GET3: variants seen among roughly 807,000 people sequenced by gnomAD.
The protein encoded by GET3 is guided entry of tail-anchored proteins factor 3, ATPase, also known as ATPase GET3.
Under a neutral mutation model 32.4 loss-of-function variants are expected in GET3, and 15 were observed. The observed-to-expected ratio is 0.46, with a 90% CI of 0.31 to 0.71. GET3 has a LOEUF of 0.71. Ranked by LOEUF, GET3 falls within the 30% of genes least tolerant of loss-of-function variation. The pLI, the probability that GET3 is intolerant of heterozygous loss-of-function variation, is 0.05. For missense variants in GET3, 333 were observed against 459.0 expected, an observed-to-expected ratio of 0.73 and a Z score of 2.51; for synonymous variants, 198 against 185.6, an observed-to-expected ratio of 1.07 and a Z score of -0.54.
In GET3 at chr19:12,748,140, T is replaced by A; in HGVS notation, c.*36T>A. The A allele has an allele frequency of 6.5e-7, 1 of 1,547,300 alleles. No individual in the cohort carries two copies. Among genetic ancestry groups the A allele is most frequent in the Non-Finnish European group, 8.8e-7 (1 of 1,139,266 alleles). ...AGCCCCAACCGCTGCCATTTCACAC[T>A]CACCCTCCACCCTCCCCACCCCCTC... is the stretch of plus-strand genomic sequence containing the variant. On this transcript the variant is annotated 3_prime_UTR_variant, in exon 7 of 7. Transcript: ENST00000357332.
In GET3 at chr19:12,745,327, G is replaced by C. The variant is rs1179766249; in HGVS notation, c.310-50G>C. On this transcript the variant is annotated intron_variant, in intron 2 of 6. Coordinates refer to ENST00000357332, the MANE Select transcript of GET3 (RefSeq NM_004317.4). The surrounding 1 kb of genome is among the most constrained non-coding windows in gnomAD (Gnocchi z 5.0). Reference sequence around the variant, plus strand: ...CCCTGGCCCTGTGCCCAGGTGGGAAGGCTCCCCCAGCAGTAGCAGCAACCT... The same window carrying C: ...CCCTGGCCCTGTGCCCAGGTGGGAACGCTCCCCCAGCAGTAGCAGCAACCT... The C allele has an allele frequency of 1.3e-6, 2 of 1,590,580 alleles. No individual in the cohort carries two copies. Among genetic ancestry groups the C allele is most frequent in the Non-Finnish European group, 8.5e-7 (1 of 1,172,660 alleles).
At chr19:12,741,615 CT>C (rs1967670893) in intron 2 of GET3, among the ~76,000 whole-genome samples, 1 of 151,894 alleles carries the variant, frequency 6.6e-6, no homozygotes, top group Non-Finnish European at 1.5e-5. Flanking sequence ...AAAAATTAGC[CT>C]TGCGTGGTGG....
rs1967789656 is a variant in GET3, at chr19:12,747,241, G to A, written c.654G>A (p.Leu218=). Residue 218 remains leucine (L), a synonymous_variant, in exon 5 of 7, where the codon CTG becomes CTA. Coordinates refer to ENST00000357332, the MANE Select transcript of GET3 (RefSeq NM_004317.4). This position sits in a 1 kb window ranked among gnomAD's most constrained non-coding sequence, Gnocchi z 4.0. ...LGLGDMNADQ[L]ASKLEETLPV... ...TGGGGGACATGAACGCAGACCAGCT[G>A]GCCTCCAAGCTGGAGGAGACGCTGC... The A allele has an allele frequency of 6.2e-7, 1 of 1,611,770 alleles. No homozygotes were observed. The highest frequency in any genetic ancestry group is 8.5e-7 in the Non-Finnish European group (1 of 1,178,816).
Position 12,745,320 on chromosome 19 carries a change from G to A in GET3, c.310-57G>A. 1 of 1,586,478 alleles carries A rather than the reference G, an allele frequency of 6.3e-7. No homozygotes were observed. ...AGGCTCCCCCTGGCCCTGTGCCCAG[G>A]TGGGAAGGCTCCCCCAGCAGTAGCA... On this transcript the variant is annotated intron_variant, in intron 2 of 6. Coordinates refer to ENST00000357332, the MANE Select transcript of GET3 (RefSeq NM_004317.4). The surrounding 1 kb of genome is among the most constrained non-coding windows in gnomAD (Gnocchi z 5.0).
intron 2 of GET3, among the ~76,000 whole-genome samples, chr19:12,743,559 G>T (rs1263453610): frequency 6.6e-6 from 1 of 150,808 alleles, no homozygotes; most frequent in Non-Finnish European, 1.5e-5. Context: ...GGGAGGCCGA[G>T]GTGGGTGGAT....
chr19:12,748,091 C>T lies in GET3; in HGVS notation c.1034C>T (p.Pro345Leu), dbSNP rs1035775343. Residue 345 changes from proline to leucine, a missense_variant, in exon 7 of 7, where the codon CCC becomes CTC. This residue lies in a region of GET3 where 39 missense variants were observed against 33.0 expected (regional missense o/e 1.18). Coordinates refer to ENST00000357332, the MANE Select transcript of GET3 (RefSeq NM_004317.4). ...CTCCTCCTGGAGCCCTACAAGCCCCCCAGTGCCCAGTAGCACAGCTGCCAG... is the reference window on the plus strand; with the variant it reads ...CTCCTCCTGGAGCCCTACAAGCCCCTCAGTGCCCAGTAGCACAGCTGCCAG... ...SALLLEPYKP[P>L]SAQ is the part of the protein sequence containing the mutation. The T allele has an allele frequency of 2.5e-6, 4 of 1,598,240 alleles. No homozygotes were observed. The highest frequency in any genetic ancestry group is 2.6e-6 in the Non-Finnish European group (3 of 1,169,398).
intron 2 of GET3, among the ~76,000 whole-genome samples, chr19:12,744,814 T>C (rs1045710316): frequency 9.9e-5 from 15 of 152,060 alleles, no homozygotes; most frequent in African/African-American, 3.6e-4. Flanking sequence ...AGATAGGTCT[T>C]GCTATATTGC....
rs1967802351 is a variant in GET3 at position 12,747,786 on chromosome 19, A to C, written c.916-187A>C. Among the ~76,000 whole-genome samples, 1 of 152,180 alleles carries C rather than the reference A, an allele frequency of 6.6e-6. No homozygotes were observed. Among genetic ancestry groups the C allele is most frequent in the African/African-American group, 2.4e-5 (1 of 41,434 alleles). ...CTAGGTCCCTGTGACCCTGGAGAGC[A>C]GGGGGTCTAGCCCAGTGATCTCTGA... On this transcript the variant is annotated intron_variant, in intron 6 of 6. Transcript: ENST00000357332. This position sits in a 1 kb window ranked among gnomAD's most constrained non-coding sequence, Gnocchi z 4.0.
In GET3 at chr19:12,742,453, C is replaced by T. The variant is rs146747942; in HGVS notation, c.310-2924C>T. Among the ~76,000 whole-genome samples, 1,065 of 151,708 alleles carry T rather than the reference C, an allele frequency of 7.0e-3. 2 individuals carry two copies. The highest frequency in any genetic ancestry group is 0.011 in the Non-Finnish European group (749 of 67,928). On this transcript the variant is annotated intron_variant, in intron 2 of 6. Transcript: ENST00000357332. ...GTTTTGAGACGGAGTCTTATTCTGTCGCCCAGGATGGAGTGCAGTGGCGCA... is the reference window on the plus strand; with the variant it reads ...GTTTTGAGACGGAGTCTTATTCTGTTGCCCAGGATGGAGTGCAGTGGCGCA...
chr19:12,741,750 C>T (rs1308035218), intron 2 of GET3, among the ~76,000 whole-genome samples: 2 of 150,942 alleles, frequency 1.3e-5, no homozygotes, highest in Non-Finnish European at 3.0e-5. Flanking sequence ...CAGAGCGACA[C>T]TCCATCTCAA....
At chr19:12,746,342 A>C (rs962752708) in intron 4 of GET3, among the ~76,000 whole-genome samples, 1 of 152,172 alleles carries the variant, frequency 6.6e-6, no homozygotes, top group Non-Finnish European at 1.5e-5. Context: ...CATGTTGCCC[A>C]GGCTGGTCTT....
chr19:12,740,335 C>A (rs1325023886), intron 2 of GET3, among the ~76,000 whole-genome samples: 1 of 151,232 alleles, frequency 6.6e-6, no homozygotes, highest in Non-Finnish European at 1.5e-5. Context: ...GAGCTGAGAT[C>A]GCGCCACTGC....
At position 12,745,775 on chromosome 19, in the gene GET3, C is replaced by G. The variant is rs1425455532; in HGVS notation, c.609+16C>G. 1.3e-6 allele frequency: 2 copies of G among 1,594,344 alleles called. No individual in the cohort carries two copies. The highest frequency in any genetic ancestry group is 2.2e-5 in the South Asian group (2 of 88,926). On this transcript the variant is annotated intron_variant, in intron 4 of 6. Coordinates refer to ENST00000357332, the MANE Select transcript of GET3 (RefSeq NM_004317.4). This position sits in a 1 kb window ranked among gnomAD's most constrained non-coding sequence, Gnocchi z 5.0. Reference sequence around the variant, plus strand: ...CATCTCACAGGCAGGCGGCGGGGGCCCCCACCTGCACCATCCAGGCAGCCG... The same window carrying G: ...CATCTCACAGGCAGGCGGCGGGGGCGCCCACCTGCACCATCCAGGCAGCCG...
chr19:12,747,941 C>T lies in GET3; in HGVS notation c.916-32C>T, dbSNP rs1185246943. ...CTGTCTCTGCCTTCCTGCCCCCTGA[C>T]CACTGCCTTCTACCCTCTGCCCTGG... On this transcript the variant is annotated intron_variant, in intron 6 of 6. Coordinates refer to ENST00000357332, the MANE Select transcript of GET3 (RefSeq NM_004317.4). This position sits in a 1 kb window ranked among gnomAD's most constrained non-coding sequence, Gnocchi z 4.0. The T allele has an allele frequency of 6.4e-7, 1 of 1,560,636 alleles. No homozygotes were observed. Among genetic ancestry groups the T allele is most frequent in the South Asian group, 1.2e-5 (1 of 84,326 alleles).
rs769640783 is a variant in GET3, at chr19:12,747,475, C to A, written c.798C>A (p.Ala266=). The change falls in exon 6 of 7, where the codon GCC becomes GCA. Residue 266 remains alanine, a synonymous_variant. Transcript: ENST00000357332. The surrounding 1 kb of genome is among the most constrained non-coding windows in gnomAD (Gnocchi z 4.0). ...CAGAGAGGCTGATCCAGGAGCTGGC[C>A]AAGTGCAAGATTGACACACACAATA... ...YETERLIQEL[A]KCKIDTHNII... 1 of 1,614,086 alleles carries A rather than the reference C, an allele frequency of 6.2e-7. No individual in the cohort carries two copies.
chr19:12,739,288 C>T (rs1416734835), intron 2 of GET3, among the ~76,000 whole-genome samples: 1 of 152,174 alleles, frequency 6.6e-6, no homozygotes, highest in African/African-American at 2.4e-5. Context: ...CTGCCTCAGC[C>T]TCCCGAGTAG....
At chr19:12,738,171 G>C (rs1335536236) in intron 1 of GET3, among the ~76,000 whole-genome samples, 2 of 152,124 alleles carry the variant, frequency 1.3e-5, no homozygotes, top group Admixed American at 6.5e-5. Context: ...GAATGCAGGA[G>C]ACCCCTTAGC....
rs536188843 is a variant in GET3 at position 12,740,492 on chromosome 19, C to T, written c.309+1834C>T. 9.9e-5 allele frequency among the ~76,000 whole-genome samples: 15 copies of T among 151,652 alleles called. No individual in the cohort carries two copies. The South Asian group carries it at 1.7e-3, about 17-fold the overall frequency. On this transcript the variant is annotated intron_variant, in intron 2 of 6. Transcript: ENST00000357332. ...GAGACTGAGACCATCTTGGCTAACA[C>T]GGTGAAACCTCATCTCTACTAAAAA...
chr19:12,737,427 G>T, upstream of GET3: 1 of 1,369,238 alleles, frequency 7.3e-7, no homozygotes, highest in South Asian at 1.8e-5. Context: ...TCCTAGCTTC[G>T]CTAGGAATGT....
Sources: allele counts gnomAD v4.1 joint callset (sites outside exome capture counted in the v4.1 genomes callset), GRCh38; gene constraint gnomAD v4.1.1; regional missense constraint gnomAD v4.1.1; non-coding constraint Gnocchi (gnomAD v3.1); transcripts MANE v1.5; gene names NCBI Gene and HGNC (gene_info 2026-07-23, HGNC 2026-07-21).